GPBP1L1: variants seen among roughly 807,000 people sequenced by gnomAD.
GPBP1L1 encodes the protein GC-rich promoter binding protein 1 like 1.
Under a neutral mutation model 52.5 loss-of-function variants are expected in GPBP1L1, and 23 were observed. The observed-to-expected ratio is 0.44, with a 90% CI of 0.32 to 0.62. GPBP1L1 has a LOEUF of 0.62. Among genes scored for constraint, GPBP1L1 ranks in the 20% least tolerant of loss-of-function variants. The pLI is 0.06. For missense variants in GPBP1L1, 596 were observed against 579.3 expected (o/e 1.03, Z -0.30); for synonymous variants, 243 against 203.1 (o/e 1.20, Z -1.67).
intron 2 of GPBP1L1, among the ~76,000 whole-genome samples, chr1:45,681,548 C>G (rs1037200368): frequency 6.6e-6 from 1 of 152,174 alleles, no homozygotes; most frequent in Non-Finnish European, 1.5e-5. Context: ...AAGAAAAACA[C>G]CCCTCCGTGT....
intron 10 of GPBP1L1, among the ~76,000 whole-genome samples, chr1:45,633,217 C>T (rs1030139915): frequency 6.6e-6 from 1 of 152,156 alleles, no homozygotes; most frequent in African/African-American, 2.4e-5. Flanking sequence ...TGGATGTTTA[C>T]TGCAGTTTTA....
At chr1:45,636,587 G>A (rs549952915) in intron 8 of GPBP1L1, among the ~76,000 whole-genome samples, 2 of 152,218 alleles carry the variant, frequency 1.3e-5, no homozygotes, top group African/African-American at 4.8e-5. Flanking sequence ...GTTAACAACA[G>A]GTTCCCTCTG....
chr1:45,629,665 T>C lies in GPBP1L1; in HGVS notation c.1183A>G (p.Met395Val), dbSNP rs769309860. 4 of 1,606,838 alleles carry C rather than the reference T, an allele frequency of 2.5e-6. No individual in the cohort carries two copies. The highest frequency in any genetic ancestry group is 1.7e-5 in the Admixed American group (1 of 59,990). The change falls in exon 12 of 13, where the codon ATG (methionine) becomes GTG (valine). Residue 395 changes from methionine (M) to valine (V), a missense_variant. Physicochemically the swap from Met to Val is conservative, Grantham distance 21. Transcript: ENST00000355105. ...LEAEHRLLKA[M>V]GWQEYPENDE... Reference sequence around the variant, plus strand: ...TTTTCAGGATATTCCTGCCAACCCATAGCTTTCAATAACCTGGTGGACGCA... The same window carrying C: ...TTTTCAGGATATTCCTGCCAACCCACAGCTTTCAATAACCTGGTGGACGCA...
chr1:45,654,130 G>A (rs11211154), intron 6 of GPBP1L1: 1,788 of 158,642 alleles, frequency 0.011, 25 homozygotes, highest in African/African-American at 0.037. Flanking sequence ...GAACGCATAG[G>A]CAACAGCTGA....
rs532400134 is a variant in GPBP1L1 at position 45,660,459 on chromosome 1, G to A, written c.-331C>T. On this transcript the variant is annotated 5_prime_UTR_variant, in exon 3 of 13. Transcript: ENST00000355105. ...AAAAGTATTTGTTACATTTAAAAAG[G>A]GGGGGAAGGGGAAAGAGCTGTATCT... The A allele has an allele frequency of 6.1e-6, 6 of 981,614 alleles. No individual in the cohort carries two copies. Among genetic ancestry groups the A allele is most frequent in the Middle Eastern group, 5.2e-4 (1 of 1,932 alleles). The allele number at this position is 981,614 out of a possible 1,614,324, so 60.8% of individuals were successfully genotyped here.
At position 45,629,688 on chromosome 1, in the gene GPBP1L1, G is replaced by T; in HGVS notation, c.1170-10C>A. 1.3e-6 allele frequency: 2 copies of T among 1,526,480 alleles called. No individual in the cohort carries two copies. Among genetic ancestry groups the T allele is most frequent in the Non-Finnish European group, 1.8e-6 (2 of 1,100,276 alleles). 94.6% of individuals were successfully genotyped at this position (1,526,480 alleles called of 1,614,324 possible). On this transcript the variant is annotated splice_polypyrimidine_tract_variant and intron_variant, in intron 11 of 12. Coordinates refer to ENST00000355105, the MANE Select transcript of GPBP1L1 (RefSeq NM_021639.5). ...CATAGCTTTCAATAACCTGGTGGAC[G>T]CAGAAGGACAGGTAAAGAGAATACA... is the stretch of plus-strand genomic sequence containing the variant.
At chr1:45,640,496 G>A in intron 7 of GPBP1L1, 93 bp from the exon 8 acceptor site, 1 of 978,128 alleles carries the variant, frequency 1.0e-6, no homozygotes, top group Non-Finnish European at 1.6e-6. Flanking sequence ...CAACAAAACA[G>A]CTGACAGTTG....
chr1:45,638,834 C>T (rs567431261), intron 8 of GPBP1L1, among the ~76,000 whole-genome samples: 3 of 152,060 alleles, frequency 2.0e-5, no homozygotes, highest in Non-Finnish European at 4.4e-5. Context: ...GGATGGCATG[C>T]GCCAGAAGAA....
intron 6 of GPBP1L1, among the ~76,000 whole-genome samples, chr1:45,650,639 A>C (rs1644808652): frequency 6.6e-6 from 1 of 152,204 alleles, no homozygotes; most frequent in Non-Finnish European, 1.5e-5. Flanking sequence ...TACTGCAAAC[A>C]ATCAGGTCCC....
intron 3 of GPBP1L1, among the ~76,000 whole-genome samples, chr1:45,659,480 G>C (rs1196270856): frequency 6.6e-6 from 1 of 152,198 alleles, no homozygotes; most frequent in Non-Finnish European, 1.5e-5. Context: ...TTACAGGTGT[G>C]AGTCACTGCG....
At chr1:45,676,635 G>A (rs1379352591) in intron 2 of GPBP1L1, among the ~76,000 whole-genome samples, 1 of 150,496 alleles carries the variant, frequency 6.6e-6, no homozygotes, top group Admixed American at 6.6e-5. Context: ...GCTTGAACTC[G>A]GGAGGCAGAG....
chr1:45,651,192 T>C (rs1644815016), intron 6 of GPBP1L1: 1 of 469,666 alleles, frequency 2.1e-6, no homozygotes, highest in Non-Finnish European at 4.2e-6. Context: ...ACAAACCTCC[T>C]TTGTCTTCCA....
chr1:45,640,184 G>C, intron 8 of GPBP1L1, 26 bp downstream of exon 8: 2 of 1,580,968 alleles, frequency 1.3e-6, no homozygotes, highest in Non-Finnish European at 1.7e-6. Context: ...CTTGTATAAG[G>C]TTCTTGCCCT....
intron 6 of GPBP1L1, among the ~76,000 whole-genome samples, chr1:45,644,421 A>C (rs1644714260): frequency 6.6e-6 from 1 of 152,226 alleles, no homozygotes; most frequent in Admixed American, 6.5e-5. Flanking sequence ...AAAACAAATG[A>C]ATAAGTTAAT....
rs1645124923 is a variant in GPBP1L1 at position 45,675,224 on chromosome 1, G to C, written c.-1098+10352C>G. Among the ~76,000 whole-genome samples, 4 of 152,160 alleles carry C rather than the reference G, an allele frequency of 2.6e-5. No individual in the cohort carries two copies. In the South Asian group the frequency reaches 8.3e-4, roughly 32 times the overall value. ...AGGCAGGAGAATCGCTTGAACCCAGGAGGCGGAGGTTGCAGTGAGCCGAGA... is the reference window on the plus strand; with the variant it reads ...AGGCAGGAGAATCGCTTGAACCCAGCAGGCGGAGGTTGCAGTGAGCCGAGA... On this transcript the variant is annotated intron_variant, in intron 2 of 12. Transcript: ENST00000355105.
intron 2 of GPBP1L1, among the ~76,000 whole-genome samples, chr1:45,664,348 C>T (rs1644983572): frequency 6.6e-6 from 1 of 150,900 alleles, no homozygotes; most frequent in African/African-American, 2.4e-5. Context: ...TGGTGGCTCA[C>T]GAGGTCAGGA....
At chr1:45,669,527 C>G (rs1314201224) in intron 2 of GPBP1L1, among the ~76,000 whole-genome samples, 2 of 152,208 alleles carry the variant, frequency 1.3e-5, no homozygotes, top group Non-Finnish European at 2.9e-5. Context: ...TTAATTTTGG[C>G]TCCATAAACA....
intron 2 of GPBP1L1, among the ~76,000 whole-genome samples, chr1:45,675,187 C>T (rs545951601): frequency 6.6e-6 from 1 of 152,036 alleles, no homozygotes; most frequent in Non-Finnish European, 1.5e-5. Flanking sequence ...GTCCCAGCTA[C>T]TTGGGAGGCT....
intron 2 of GPBP1L1, among the ~76,000 whole-genome samples, chr1:45,682,199 C>T (rs749387862): frequency 1.4e-4 from 21 of 152,134 alleles, no homozygotes; most frequent in Non-Finnish European, 2.2e-4. Context: ...AGCCCCAAAA[C>T]CAACTTTTCT....
Sources: gnomAD v4.1 joint callset for allele counts (sites outside exome capture counted in the v4.1 genomes callset) on GRCh38, gnomAD v4.1.1 for gene constraint, MANE v1.5 for transcripts, NCBI Gene and HGNC (gene_info 2026-07-23, HGNC 2026-07-21) for gene names.